The following NAV2 variants were observed in gnomAD, a reference collection of about 807,000 sequenced individuals.
NAV2 encodes the protein helicase, APC down-regulated 1.
A neutral mutation model predicts 223.2 loss-of-function variants in NAV2; 54 were observed. The observed-to-expected ratio is 0.24, with a 90% CI of 0.19 to 0.30. The LOEUF is 0.30. Among genes scored for constraint, NAV2 ranks in the 10% least tolerant of loss-of-function variants. NAV2 has a pLI of 1.00. For synonymous variants in NAV2, 1,279 were observed against 1,239.3 expected, an observed-to-expected ratio of 1.03 and a Z score of -0.67; for missense variants, 2,806 against 3,147.5, an observed-to-expected ratio of 0.89 and a Z score of 2.60.
chr11:19,908,401 CT>C (rs2043048458), intron 6 of NAV2, among the ~76,000 whole-genome samples: 1 of 152,156 alleles, frequency 6.6e-6, no homozygotes, highest in Non-Finnish European at 1.5e-5. Flanking sequence ...CTTCCTCATC[CT>C]CACTGGTAAC....
chr11:19,816,258 A>T (rs1315216730), intron 1 of NAV2, among the ~76,000 whole-genome samples: 2 of 152,236 alleles, frequency 1.3e-5, no homozygotes, highest in Non-Finnish European at 2.9e-5. Context: ...AGGCAAGCGC[A>T]TTCCTAGGGC....
intron 3 of NAV2, among the ~76,000 whole-genome samples, chr11:19,862,730 T>A (rs541782641): frequency 1.3e-5 from 2 of 152,250 alleles, no homozygotes; most frequent in Admixed American, 1.3e-4. Context: ...AGACATGTGA[T>A]CTTGTGAGGT....
chr11:20,022,588 G>A (rs915110878), intron 11 of NAV2: 22 of 985,686 alleles, frequency 2.2e-5, no homozygotes, highest in Middle Eastern at 5.2e-4. Flanking sequence ...GCCTTCAGAC[G>A]TCAATGGAAT....
intron 11 of NAV2, among the ~76,000 whole-genome samples, chr11:20,032,518 C>T (rs150749272): frequency 7.6e-4 from 116 of 152,344 alleles, no homozygotes; most frequent in African/African-American, 2.7e-3. Context: ...CTGCCAGCCA[C>T]GGTCCTCTCC....
intron 1 of NAV2, among the ~76,000 whole-genome samples, chr11:19,670,984 T>C (rs938324671): frequency 6.6e-6 from 1 of 152,188 alleles, no homozygotes; most frequent in Non-Finnish European, 1.5e-5. Context: ...AAGCCCCCGC[T>C]ATGCCAAGAG....
chr11:19,723,548 C>G lies in NAV2; in HGVS notation c.267+9586C>G, dbSNP rs75010067. On this transcript the variant is annotated intron_variant, in intron 1 of 37. Coordinates refer to ENST00000349880, the MANE Select transcript of NAV2 (RefSeq NM_145117.5). ...CCCTCCTCTTCTTGGAGCCTACTCC[C>G]TGCTTCCCTGGTCTCGGCCCTTCTT... Among the ~76,000 whole-genome samples the G allele has an allele frequency of 3.4e-4, 52 of 152,356 alleles. No individual in the cohort carries two copies. The East Asian group carries it at 9.8e-3, about 29-fold the overall frequency.
intron 19 of NAV2, among the ~76,000 whole-genome samples, chr11:20,056,939 A>G (rs1328623469): frequency 1.3e-5 from 2 of 152,228 alleles, no homozygotes; most frequent in Non-Finnish European, 2.9e-5. Context: ...ATGGCCTGTA[A>G]TAACACAGCC....
intron 1 of NAV2, among the ~76,000 whole-genome samples, chr11:19,815,092 A>G (rs973991118): frequency 3.0e-4 from 45 of 152,196 alleles, no homozygotes; most frequent in African/African-American, 1.1e-3. Flanking sequence ...CCCTTTATGT[A>G]CAAAGATAAG....
At chr11:19,534,415 GCT>G (rs2044124110) in intron 1 of NAV2, among the ~76,000 whole-genome samples, 1 of 152,194 alleles carries the variant, frequency 6.6e-6, no homozygotes, top group Admixed American at 6.5e-5. Flanking sequence ...ACAGCACCAG[GCT>G]CTGTGCTAGG....
intron 1 of NAV2, among the ~76,000 whole-genome samples, chr11:19,681,206 C>T (rs1018758972): frequency 3.9e-5 from 6 of 152,224 alleles, no homozygotes; most frequent in African/African-American, 9.6e-5. Flanking sequence ...CTCTCAGGGA[C>T]GTCCCCTGAC....
intron 16 of NAV2, 35 bp downstream of exon 16, chr11:20,049,936 TC>T (rs772697661): frequency 1.1e-5 from 17 of 1,593,730 alleles, no homozygotes; most frequent in African/African-American, 1.3e-5. Flanking sequence ...CAACCGAGCC[TC>T]TAGGTTCTTC....
intron 1 of NAV2, among the ~76,000 whole-genome samples, chr11:19,736,879 G>A (rs1185373121): frequency 6.6e-6 from 1 of 152,210 alleles, no homozygotes; most frequent in African/African-American, 2.4e-5. Flanking sequence ...CCTAGGTTAT[G>A]CAGGACACCT....
chr11:19,817,252 T>TA (rs1051301117), intron 1 of NAV2, among the ~76,000 whole-genome samples: 110 of 152,200 alleles, frequency 7.2e-4, no homozygotes, highest in African/African-American at 2.3e-3. Context: ...CCTTTACCAT[T>TA]AAAAAAAATC....
At chr11:20,036,439 T>C (rs1433670787) in intron 12 of NAV2, among the ~76,000 whole-genome samples, 1 of 152,214 alleles carries the variant, frequency 6.6e-6, no homozygotes, top group African/African-American at 2.4e-5. Flanking sequence ...GCCCAGAGTG[T>C]GTGTCTCTTA....
chr11:19,934,141 A>G lies in NAV2; in HGVS notation c.1897A>G (p.Ile633Val), dbSNP rs146764447. 2 of 1,614,130 alleles carry G rather than the reference A, an allele frequency of 1.2e-6. No individual in the cohort carries two copies. The highest frequency in any genetic ancestry group is 1.7e-6 in the Non-Finnish European group (2 of 1,180,020). Reference sequence around the variant, plus strand: ...AGGAGGGACCACCCTGAACCACAGCATCAGCAGCCAGACTGTCAGTGGGTC... The same window carrying G: ...AGGAGGGACCACCCTGAACCACAGCGTCAGCAGCCAGACTGTCAGTGGGTC... ...GPGGTTLNHS[I>V]SSQTVSGSVG... The change falls in exon 7 of 38, where the codon ATC (isoleucine) becomes GTC (valine). Residue 633 changes from isoleucine (I) to valine (V), a missense_variant. Physicochemically the swap from Ile to Val is conservative, Grantham distance 29. Transcript: ENST00000349880.
chr11:20,097,381 A>C (rs551883857), intron 30 of NAV2, among the ~76,000 whole-genome samples, 196 bp from the exon 31 acceptor site: 2 of 152,104 alleles, frequency 1.3e-5, no homozygotes, highest in East Asian at 3.9e-4. Flanking sequence ...ATAAATCTGT[A>C]TTTTAAGAGG....
chr11:19,496,524 G>A (rs1482666254), intron 1 of NAV2, among the ~76,000 whole-genome samples: 1 of 152,180 alleles, frequency 6.6e-6, no homozygotes, highest in Non-Finnish European at 1.5e-5. Flanking sequence ...TAACAACATG[G>A]TAGCTGACTT....
At chr11:19,507,674 T>C (rs1162382161) in intron 1 of NAV2, among the ~76,000 whole-genome samples, 1 of 152,208 alleles carries the variant, frequency 6.6e-6, no homozygotes, top group African/African-American at 2.4e-5. Flanking sequence ...TATAGACAGA[T>C]ACTACATGGT....
intron 11 of NAV2, among the ~76,000 whole-genome samples, chr11:19,986,343 G>T (rs1411031572): frequency 2.0e-5 from 3 of 152,194 alleles, no homozygotes; most frequent in African/African-American, 7.2e-5. Flanking sequence ...AATGAGTCCG[G>T]GCATGGTGGC....
Sources: gnomAD v4.1 joint callset for allele counts (sites outside exome capture counted in the v4.1 genomes callset) on GRCh38, gnomAD v4.1.1 for gene constraint, MANE v1.5 for transcripts, NCBI Gene and HGNC (gene_info 2026-07-23, HGNC 2026-07-21) for gene names.